MMP26: variants seen among roughly 807,000 people sequenced by gnomAD.
The protein encoded by MMP26 is matrix metallopeptidase 26, also known as matrix metalloproteinase-26.
A neutral mutation model predicts 31.0 loss-of-function variants in MMP26; 33 were observed. That is an observed-to-expected ratio of 1.06 (90% CI 0.81 to 1.42). The LOEUF (loss-of-function observed/expected upper bound fraction) is 1.42. Ranked by LOEUF, MMP26 falls within the 40% of genes most tolerant of loss-of-function variation. The pLI is 0.00. For missense variants in MMP26, 347 were observed against 316.1 expected, an observed-to-expected ratio of 1.10 and a Z score of -0.74; for synonymous variants, 122 against 114.9, an observed-to-expected ratio of 1.06 and a Z score of -0.40.
At chr11:4,768,829 T>C (rs1051806288) in intron 2 of MMP26, 13 of 470,144 alleles carry the variant, frequency 2.8e-5, no homozygotes, top group Non-Finnish European at 3.7e-5. Flanking sequence ...ACTTATATTT[T>C]ATGACCAAAT....
chr11:4,877,174 T>A (rs1444761473), intron 2 of MMP26: 3 of 152,206 alleles, frequency 2.0e-5, no homozygotes, highest in African/African-American at 7.2e-5. Context: ...TTGGCTGTGA[T>A]CTTCATCATT....
At chr11:4,940,726 A>G (rs1846194919) in intron 2 of MMP26, among the ~76,000 whole-genome samples, 1 of 152,180 alleles carries the variant, frequency 6.6e-6, no homozygotes, top group Admixed American at 6.5e-5. Context: ...CTCATAATGC[A>G]GACTTTGGCA....
intron 2 of MMP26, among the ~76,000 whole-genome samples, chr11:4,790,579 G>A (rs1849012683): frequency 6.6e-6 from 1 of 152,152 alleles, no homozygotes; most frequent in African/African-American, 2.4e-5. Flanking sequence ...AATTGTATGA[G>A]ATCAAATCAG....
intron 2 of MMP26, among the ~76,000 whole-genome samples, chr11:4,789,995 A>G (rs1849001893): frequency 1.3e-5 from 2 of 152,338 alleles, no homozygotes; most frequent in South Asian, 2.1e-4. Context: ...AGCATTTGAT[A>G]TTTAAATAGA....
At chr11:4,860,555 A>G (rs1457902844) in intron 2 of MMP26, 1 of 464,098 alleles carries the variant, frequency 2.2e-6, no homozygotes, top group Non-Finnish European at 4.5e-6. Flanking sequence ...GATGCATTCA[A>G]GTTCGTCATG....
At chr11:4,897,443 T>A (rs1038701159) in intron 2 of MMP26, among the ~76,000 whole-genome samples, 5 of 152,186 alleles carry the variant, frequency 3.3e-5, no homozygotes, top group African/African-American at 1.2e-4. Context: ...CGGCCTATAT[T>A]TTTAATCCAT....
At chr11:4,941,589 A>G (rs768925495) in intron 2 of MMP26, among the ~76,000 whole-genome samples, 2 of 152,144 alleles carry the variant, frequency 1.3e-5, no homozygotes, top group Non-Finnish European at 2.9e-5. Context: ...AAATCACTAT[A>G]TTTTCAATAA....
intron 2 of MMP26, among the ~76,000 whole-genome samples, chr11:4,982,294 G>A (rs182317109): frequency 7.2e-5 from 11 of 152,076 alleles, no homozygotes; most frequent in Non-Finnish European, 1.5e-4. Flanking sequence ...CTTTATATCA[G>A]CATTATCAGA....
intron 2 of MMP26, chr11:4,769,649 T>C (rs1452114485): frequency 2.2e-5 from 35 of 1,613,006 alleles, no homozygotes; most frequent in Non-Finnish European, 2.8e-5. Context: ...TTCACGTGCC[T>C]CAAACCAGAG....
rs1226380636 is a variant in MMP26 at position 4,923,898 on chromosome 11, GC to G, written c.-144-64166del. ...AGAGCACTTCTAAGCACTGAGCTTA[GC>G]CCCATCTTGACAATACATGCAGGTG... is the stretch of plus-strand genomic sequence containing the variant. On this transcript the variant is annotated intron_variant, in intron 2 of 7. Transcript: ENST00000380390. The G allele has an allele frequency of 3.1e-6, 5 of 1,614,098 alleles. No individual in the cohort carries two copies. In the South Asian group the frequency reaches 5.5e-5, roughly 18 times the overall value.
chr11:4,849,851 AT>A (rs1242095990), intron 2 of MMP26, among the ~76,000 whole-genome samples: 1 of 152,002 alleles, frequency 6.6e-6, no homozygotes, highest in East Asian at 1.9e-4. Context: ...TAAAATTTTT[AT>A]TTTATTGAAA....
At chr11:4,750,467 A>G (rs1357218473) in intron 1 of MMP26, among the ~76,000 whole-genome samples, 1 of 152,076 alleles carries the variant, frequency 6.6e-6, no homozygotes, top group Non-Finnish European at 1.5e-5. Context: ...TAAAACCTGT[A>G]TTCATGTGTT....
chr11:4,790,854 G>C (rs1473112128), intron 2 of MMP26, among the ~76,000 whole-genome samples: 1 of 152,132 alleles, frequency 6.6e-6, no homozygotes, highest in East Asian at 1.9e-4. Context: ...TAGCTTAATA[G>C]TTACTGACGT....
rs368869864 is a variant in MMP26, at chr11:4,829,128, G to A, written c.-145+61787G>A. ...ATCCTGACTGTATTTCTACTGGCAT[G>A]ATCTTGCAGTAAAAGGCTACTAAAT... On this transcript the variant is annotated intron_variant, in intron 2 of 7. Coordinates refer to ENST00000380390, the MANE Select transcript of MMP26 (RefSeq NM_021801.5). 1.2e-4 allele frequency among the ~76,000 whole-genome samples: 19 copies of A among 152,250 alleles called. No homozygotes were observed. The East Asian group carries it at 3.5e-3, about 28-fold the overall frequency.
At chr11:4,836,651 CT>C (rs71480270) in intron 2 of MMP26, among the ~76,000 whole-genome samples, 377 of 95,974 alleles carry the variant, frequency 3.9e-3, no homozygotes, top group African/African-American at 6.3e-3. Context: ...TCAAAGACAT[CT>C]TTTTTTTTTT....
At chr11:4,868,278 G>T (rs955201618) in intron 2 of MMP26, among the ~76,000 whole-genome samples, 2 of 152,120 alleles carry the variant, frequency 1.3e-5, no homozygotes, top group African/African-American at 4.8e-5. Context: ...AACTCAAATT[G>T]TCCCTGTTTG....
At chr11:4,771,912 T>A (rs1398803359) in intron 2 of MMP26, among the ~76,000 whole-genome samples, 1 of 152,214 alleles carries the variant, frequency 6.6e-6, no homozygotes, top group Non-Finnish European at 1.5e-5. Flanking sequence ...TATGACTATT[T>A]GTGAATAGGT....
chr11:4,989,838 G>A lies in MMP26; in HGVS notation c.290G>A (p.Cys97Tyr). ...GSDTSISPGR[C>Y]KWNKHTLTYR... ...GACACCTCCATCTCGCCAGGAAGATGCAAGTGGAATAAGCACACTCTAACT... is the reference window on the plus strand; with the variant it reads ...GACACCTCCATCTCGCCAGGAAGATACAAGTGGAATAAGCACACTCTAACT... The change falls in exon 4 of 8, where the codon TGC becomes TAC. Residue 97 changes from cysteine (C) to tyrosine (Y), a missense_variant. By Grantham distance (194) the Cys-to-Tyr change is radical. Transcript: ENST00000380390. 6.2e-7 allele frequency: 1 copy of A among 1,611,162 alleles called. No homozygotes were observed. Among genetic ancestry groups the A allele is most frequent in the African/African-American group, 1.3e-5 (1 of 75,030 alleles).
intron 2 of MMP26, among the ~76,000 whole-genome samples, chr11:4,791,355 T>G (rs1315319434): frequency 6.6e-6 from 1 of 152,156 alleles, no homozygotes; most frequent in Non-Finnish European, 1.5e-5. Context: ...GGAGACCAAT[T>G]TTTTTTCCTA....
Sources: allele counts gnomAD v4.1 joint callset (sites outside exome capture counted in the v4.1 genomes callset), GRCh38; gene constraint gnomAD v4.1.1; transcripts MANE v1.5; gene names NCBI Gene and HGNC (gene_info 2026-07-23, HGNC 2026-07-21).